Variants in CNTN5 observed in about 807,000 individuals in gnomAD.
CNTN5 encodes contactin-5.
Under a neutral mutation model 129.1 loss-of-function variants are expected in CNTN5, and 77 were observed. The ratio of observed to expected loss-of-function variants is 0.60; its 90% CI spans 0.50 to 0.72. The LOEUF (loss-of-function observed/expected upper bound fraction) is 0.72, where lower values mean the gene tolerates loss of function less well. CNTN5 is among the 30% of genes least tolerant of loss of function. The pLI is 0.00. For missense variants in CNTN5, 1,478 were observed against 1,328.8 expected, an observed-to-expected ratio of 1.11 and a Z score of -1.75; for synonymous variants, 509 against 465.6, an observed-to-expected ratio of 1.09 and a Z score of -1.20.
chr11:99,836,832 A>G (rs1947323315), intron 4 of CNTN5, among the ~76,000 whole-genome samples: 1 of 152,176 alleles, frequency 6.6e-6, no homozygotes, highest in Non-Finnish European at 1.5e-5. Flanking sequence ...AATGATTGCC[A>G]TTCTAACTGG....
At chr11:99,906,640 C>T (rs950271445) in intron 6 of CNTN5, among the ~76,000 whole-genome samples, 8 of 152,106 alleles carry the variant, frequency 5.3e-5, no homozygotes, top group African/African-American at 1.9e-4. Flanking sequence ...GTTTTGGTAT[C>T]AGGATGATGC....
chr11:99,296,757 T>C (rs1864408126), intron 1 of CNTN5, among the ~76,000 whole-genome samples: 6 of 152,158 alleles, frequency 3.9e-5, no homozygotes, highest in Non-Finnish European at 1.5e-5. Flanking sequence ...ATTAAGCTGG[T>C]TTTTAACCAT....
chr11:99,350,122 A>T (rs1436796079), intron 2 of CNTN5, among the ~76,000 whole-genome samples: 1 of 152,050 alleles, frequency 6.6e-6, no homozygotes, highest in Non-Finnish European at 1.5e-5. Flanking sequence ...TAGGAGTTTT[A>T]TTTTTAACAC....
At chr11:100,124,013 C>T (rs1317307768) in intron 13 of CNTN5, among the ~76,000 whole-genome samples, 1 of 151,894 alleles carries the variant, frequency 6.6e-6, no homozygotes, top group African/African-American at 2.4e-5. Context: ...CCAAAAAGTT[C>T]TTGTTCTTCT....
intron 2 of CNTN5, among the ~76,000 whole-genome samples, chr11:99,445,470 A>T (rs1944024886): frequency 6.6e-6 from 1 of 152,130 alleles, no homozygotes; most frequent in African/African-American, 2.4e-5. Context: ...CAGTTTCTTG[A>T]TTGTGTATCA....
chr11:99,752,678 A>G (rs187029822), intron 3 of CNTN5, among the ~76,000 whole-genome samples: 23 of 152,354 alleles, frequency 1.5e-4, no homozygotes, highest in African/African-American at 4.8e-4. Context: ...ACATAAATAA[A>G]GGGCTTCATT....
At chr11:99,866,410 T>A (rs192560157) in intron 6 of CNTN5, among the ~76,000 whole-genome samples, 8 of 152,314 alleles carry the variant, frequency 5.3e-5, no homozygotes. Flanking sequence ...TAGATACTTA[T>A]ATATTTTAAT....
At chr11:100,008,016 G>A (rs559688382) in intron 9 of CNTN5, among the ~76,000 whole-genome samples, 1 of 152,028 alleles carries the variant, frequency 6.6e-6, no homozygotes, top group South Asian at 2.1e-4. Context: ...TGAAGAGAGG[G>A]AGAGAGATGA....
rs560150712 is a variant in CNTN5, at chr11:99,512,587, T to C, written c.-70-43558T>C. On this transcript the variant is annotated intron_variant, in intron 2 of 24. Coordinates refer to ENST00000524871, the MANE Select transcript of CNTN5 (RefSeq NM_014361.4). ...CAGCAAGTCTGTTAGTGCCATTTTTTCAACATCATGTGCTCACTTCCTGTC... is the reference window on the plus strand; with the variant it reads ...CAGCAAGTCTGTTAGTGCCATTTTTCCAACATCATGTGCTCACTTCCTGTC... Among the ~76,000 whole-genome samples the C allele has an allele frequency of 2.0e-5, 3 of 152,288 alleles. No homozygotes were observed. In the South Asian group the frequency reaches 6.2e-4, roughly 32 times the overall value.
chr11:99,691,462 T>A (rs955242005), intron 3 of CNTN5, among the ~76,000 whole-genome samples: 10 of 152,240 alleles, frequency 6.6e-5, no homozygotes, highest in African/African-American at 2.2e-4. Flanking sequence ...TGTTTTTTAT[T>A]ATTTTCAAAT....
intron 3 of CNTN5, among the ~76,000 whole-genome samples, chr11:99,622,533 G>A (rs1950985448): frequency 6.6e-6 from 1 of 152,110 alleles, no homozygotes; most frequent in Non-Finnish European, 1.5e-5. Context: ...AAGTGGTGTG[G>A]TTTTTCAGGT....
At chr11:99,850,190 G>T (rs925076663) in intron 6 of CNTN5, among the ~76,000 whole-genome samples, 3 of 152,002 alleles carry the variant, frequency 2.0e-5, no homozygotes, top group Non-Finnish European at 4.4e-5. Flanking sequence ...ATTTTGATGT[G>T]TAATCACTCT....
intron 13 of CNTN5, among the ~76,000 whole-genome samples, chr11:100,171,842 A>G (rs1157436137): frequency 2.4e-5 from 3 of 124,408 alleles, no homozygotes; most frequent in South Asian, 4.5e-4. Flanking sequence ...TCGAAAAGCT[A>G]AAAGAAAAAA....
At chr11:100,205,169 G>A (rs1393741781) in intron 15 of CNTN5, among the ~76,000 whole-genome samples, 1 of 151,936 alleles carries the variant, frequency 6.6e-6, no homozygotes, top group East Asian at 1.9e-4. Flanking sequence ...AAAGAGTTGG[G>A]TTTTTGAGAG....
In CNTN5 at chr11:100,255,902, G is replaced by C. The variant is rs1381719081; in HGVS notation, c.2148G>C (p.Trp716Cys). ...LQARSPFSLG[W>C]QTVKTVPEII... ...CTCGCAGCCCATTTTCCCTGGGCTG[G>C]CAAACAGTAAAGACAGGTAAGAGGC... Residue 716 changes from tryptophan (W) to cysteine (C), a missense_variant, in exon 17 of 25, where the codon TGG becomes TGC. Trp to Cys is a radical substitution (Grantham distance 215). Coordinates refer to ENST00000524871, the MANE Select transcript of CNTN5 (RefSeq NM_014361.4). 1 of 1,613,788 alleles carries C rather than the reference G, an allele frequency of 6.2e-7. No individual in the cohort carries two copies. The highest frequency in any genetic ancestry group is 1.7e-5 in the Admixed American group (1 of 60,000).
intron 3 of CNTN5, among the ~76,000 whole-genome samples, chr11:99,772,753 A>G (rs981154675): frequency 3.3e-5 from 5 of 152,134 alleles, no homozygotes; most frequent in Admixed American, 6.6e-5. Flanking sequence ...TATGCAACCT[A>G]TAAAAGTTTA....
At chr11:99,889,144 G>T (rs1394101185) in intron 6 of CNTN5, among the ~76,000 whole-genome samples, 2 of 152,032 alleles carry the variant, frequency 1.3e-5, no homozygotes, top group African/African-American at 4.8e-5. Flanking sequence ...CAAATTGAGA[G>T]AATAAATAGA....
At chr11:99,442,035 T>G (rs1351793160) in intron 2 of CNTN5, among the ~76,000 whole-genome samples, 2 of 152,160 alleles carry the variant, frequency 1.3e-5, no homozygotes, top group East Asian at 3.9e-4. Context: ...GATGTTTCCC[T>G]GATCATCCTA....
intron 8 of CNTN5, among the ~76,000 whole-genome samples, chr11:99,999,286 C>T (rs1278505883): frequency 5.9e-5 from 9 of 152,146 alleles, no homozygotes; most frequent in African/African-American, 1.4e-4. Flanking sequence ...CCAGAATCTA[C>T]AATGAACTCC....
Sources: allele counts gnomAD v4.1 joint callset (sites outside exome capture counted in the v4.1 genomes callset), GRCh38; gene constraint gnomAD v4.1.1; transcripts MANE v1.5; gene names NCBI Gene and HGNC (gene_info 2026-07-23, HGNC 2026-07-21).